Variants in PRSS38 observed in about 807,000 individuals in gnomAD.
PRSS38 encodes the protein marapsin 2.
A neutral mutation model predicts 26.8 loss-of-function variants in PRSS38; 22 were observed. The observed-to-expected ratio is 0.82, with a 90% CI of 0.59 to 1.17. The LOEUF (loss-of-function observed/expected upper bound fraction) is 1.17, where lower values mean the gene tolerates loss of function less well. PRSS38 is among the 50% of genes most tolerant of loss of function. PRSS38 has a pLI of 0.00. For synonymous variants in PRSS38, 175 were observed against 172.1 expected (o/e 1.02, Z -0.13); for missense variants, 427 against 422.7 (o/e 1.01, Z -0.09).
chr1:227,838,422 C>G (rs547832226), intron 3 of PRSS38, among the ~76,000 whole-genome samples: 2 of 152,190 alleles, frequency 1.3e-5, no homozygotes. Flanking sequence ...TGCAGATGAG[C>G]GTTGTAGTCT....
chr1:227,833,013 T>A (rs1230107912), intron 3 of PRSS38, among the ~76,000 whole-genome samples: 7 of 152,212 alleles, frequency 4.6e-5, no homozygotes, highest in Non-Finnish European at 8.8e-5. Context: ...AACTATAGAA[T>A]GTTACAGAAA....
At chr1:227,833,211 C>T (rs912440096) in intron 3 of PRSS38, among the ~76,000 whole-genome samples, 1 of 152,066 alleles carries the variant, frequency 6.6e-6, no homozygotes, top group African/African-American at 2.4e-5. Flanking sequence ...GAAGAGGCCA[C>T]AAATAGCTAA....
At chr1:227,845,404 G>A in intron 3 of PRSS38, 66 bp from the exon 4 acceptor site, 1 of 1,164,398 alleles carries the variant, frequency 8.6e-7, no homozygotes, top group African/African-American at 1.5e-5. Flanking sequence ...GTCCACTGTG[G>A]GGCAGGGATC....
At position 227,842,364 on chromosome 1, in the gene PRSS38, C is replaced by G. The variant is rs540427509; in HGVS notation, c.584-3106C>G. 7.2e-5 allele frequency among the ~76,000 whole-genome samples: 11 copies of G among 152,244 alleles called. 2 individuals are homozygous for G. The highest frequency in any genetic ancestry group is 2.6e-4 in the African/African-American group (11 of 41,538). ...TTTCATATGTCTGGTGTCTGTCCAT[C>G]TCTGTTTGTTTGGGGCACAGAATTG... On this transcript the variant is annotated intron_variant, in intron 3 of 4. Transcript: ENST00000366757.
intron 1 of PRSS38, 45 bp downstream of exon 1, chr1:227,815,909 C>A: frequency 6.4e-7 from 1 of 1,560,696 alleles, no homozygotes; most frequent in East Asian, 2.3e-5. Flanking sequence ...AGACAGTGCC[C>A]TTGGGGCGTC....
At chr1:227,837,559 T>C (rs1665256023) in intron 3 of PRSS38, among the ~76,000 whole-genome samples, 1 of 108,476 alleles carries the variant, frequency 9.2e-6, no homozygotes, top group Admixed American at 7.8e-5. Context: ...AACAGATACT[T>C]ACTGTGCAAG....
chr1:227,820,627 T>C (rs1664989987), intron 3 of PRSS38, among the ~76,000 whole-genome samples: 1 of 152,336 alleles, frequency 6.6e-6, no homozygotes, highest in South Asian at 2.1e-4. Context: ...TACAGTTTGC[T>C]AATATTTTGC....
At chr1:227,827,926 T>A (rs1665098562) in intron 3 of PRSS38, among the ~76,000 whole-genome samples, 1 of 152,202 alleles carries the variant, frequency 6.6e-6, no homozygotes, top group African/African-American at 2.4e-5. Context: ...ACTTCTTGAT[T>A]TCTGCCTTAA....
At chr1:227,837,932 C>G (rs554882436) in intron 3 of PRSS38, among the ~76,000 whole-genome samples, 1 of 151,842 alleles carries the variant, frequency 6.6e-6, no homozygotes, top group African/African-American at 2.4e-5. Flanking sequence ...TTTTCTTTTT[C>G]TTTTTTAGAG....
intron 3 of PRSS38, among the ~76,000 whole-genome samples, chr1:227,832,777 A>G (rs2102680551): frequency 6.6e-6 from 1 of 152,340 alleles, no homozygotes; most frequent in East Asian, 1.9e-4. Flanking sequence ...AATCCTAAAA[A>G]CAAATACACA....
intron 3 of PRSS38, among the ~76,000 whole-genome samples, chr1:227,821,575 T>C (rs1174462214): frequency 6.6e-6 from 1 of 152,186 alleles, no homozygotes; most frequent in Non-Finnish European, 1.5e-5. Flanking sequence ...ACTTAATTTC[T>C]CCCTCATTTC....
exon 4 of PRSS38, chr1:227,845,542 G>A (rs1312617418): frequency 6.2e-7 from 1 of 1,613,668 alleles, no homozygotes; most frequent in Admixed American, 1.7e-5. Flanking sequence ...CTGCTCTACG[G>A]ACACATGTCC....
At chr1:227,820,171 G>C (rs1664983227) in intron 3 of PRSS38, among the ~76,000 whole-genome samples, 1 of 144,958 alleles carries the variant, frequency 6.9e-6, no homozygotes, top group East Asian at 2.0e-4. Flanking sequence ...TACTGAATTT[G>C]TTTATTATAT....
Position 227,816,598 on chromosome 1 carries a change from T to A in PRSS38, c.311+346T>A, listed in dbSNP as rs138589192. Among the ~76,000 whole-genome samples, 6 of 151,484 alleles carry A rather than the reference T, an allele frequency of 4.0e-5. No homozygotes were observed. The highest frequency in any genetic ancestry group is 1.2e-4 in the African/African-American group (5 of 41,234). ...TCAAATGCACAGCCTGGTCCCCATG[T>A]GCAAGGCTGGTCCCCTAAGTGCACG... On this transcript the variant is annotated intron_variant, in intron 2 of 4. Transcript: ENST00000366757. The surrounding 1 kb of genome is among the most constrained non-coding windows in gnomAD (Gnocchi z 5.1).
intron 3 of PRSS38, among the ~76,000 whole-genome samples, chr1:227,821,001 A>C (rs1054636053): frequency 2.0e-5 from 3 of 152,202 alleles, no homozygotes; most frequent in Non-Finnish European, 4.4e-5. Flanking sequence ...CATTTGCAAG[A>C]TAAGTTATTT....
At position 227,845,483 on chromosome 1, in the gene PRSS38, C is replaced by T. The variant is rs139316256; in HGVS notation, c.597C>T (p.Asp199=). Residue 199 remains aspartate, a synonymous_variant, in exon 4 of 5, where the codon GAC becomes GAT. Transcript: ENST00000366757. Reference sequence around the variant, plus strand: ...CTCCTCCCACAGGTGAGACCTCAGACGAGCTGCAGGAGATGCAGCTCCCGC... The same window carrying T: ...CTCCTCCCACAGGTGAGACCTCAGATGAGCTGCAGGAGATGCAGCTCCCGC... 7,579 of 1,610,814 alleles carry T rather than the reference C, an allele frequency of 4.7e-3. 217 individuals carry two copies. The South Asian group carries it at 0.051, about 11-fold the overall frequency.
At chr1:227,829,296 C>G (rs947087638) in intron 3 of PRSS38, among the ~76,000 whole-genome samples, 1 of 152,108 alleles carries the variant, frequency 6.6e-6, no homozygotes, top group African/African-American at 2.4e-5. Flanking sequence ...TCACCAATTT[C>G]TGTTGTTTTT....
Position 227,816,299 on chromosome 1 carries a change from G to T in PRSS38, c.311+47G>T. Reference sequence around the variant, plus strand: ...ATGGTGTGGGTAGCTGGGCCTGCACGGAGTGCCCACAGCGGCTTGGATGGA... The same window carrying T: ...ATGGTGTGGGTAGCTGGGCCTGCACTGAGTGCCCACAGCGGCTTGGATGGA... On this transcript the variant is annotated intron_variant, in intron 2 of 4. Transcript: ENST00000366757. The surrounding 1 kb of genome is among the most constrained non-coding windows in gnomAD (Gnocchi z 5.1). 2 of 1,575,754 alleles carry T rather than the reference G, an allele frequency of 1.3e-6. No individual in the cohort carries two copies. The highest frequency in any genetic ancestry group is 1.7e-6 in the Non-Finnish European group (2 of 1,153,450).
At chr1:227,822,659 T>C (rs966931274) in intron 3 of PRSS38, among the ~76,000 whole-genome samples, 1 of 152,232 alleles carries the variant, frequency 6.6e-6, no homozygotes, top group South Asian at 2.1e-4. Flanking sequence ...TTAGCTACTG[T>C]TTTGACAGTA....
Sources: gnomAD v4.1 joint callset for allele counts (sites outside exome capture counted in the v4.1 genomes callset) on GRCh38, gnomAD v4.1.1 for gene constraint, Gnocchi (gnomAD v3.1) non-coding constraint, MANE v1.5 for transcripts, NCBI Gene and HGNC (gene_info 2026-07-23, HGNC 2026-07-21) for gene names.